Variants in RTN4 observed in about 807,000 individuals in gnomAD.
The protein encoded by RTN4 is reticulon 4, also known as reticulon-4.
In RTN4, 32 loss-of-function variants were observed where a neutral mutation model predicts 90.4. That is an observed-to-expected ratio of 0.35 (90% confidence interval 0.27 to 0.48). The LOEUF (loss-of-function observed/expected upper bound fraction) is 0.48, where lower values mean the gene tolerates loss of function less well. Ranked by LOEUF, RTN4 falls within the 20% of genes least tolerant of loss-of-function variation. The pLI is 0.99. For missense variants in RTN4, 1,706 were observed against 1,430.2 expected (o/e 1.19, Z -3.11); for synonymous variants, 629 against 552.5 (o/e 1.14, Z -1.94).
chr2:54,981,519 T>A (rs1177075658), intron 5 of RTN4, among the ~76,000 whole-genome samples: 1 of 152,034 alleles, frequency 6.6e-6, no homozygotes, highest in Non-Finnish European at 1.5e-5. Flanking sequence ...TTCTGCAGAG[T>A]CACAGGAAAG....
the RTN4 span, among the ~76,000 whole-genome samples, chr2:55,131,792 G>A: frequency 6.6e-6 from 1 of 152,144 alleles, no homozygotes; most frequent in East Asian, 1.9e-4. Context: ...GCTGAGGCAG[G>A]AGAATTGCTT....
At chr2:55,028,019 G>T in intron 2 of RTN4, 145 bp downstream of exon 2, 1 of 631,444 alleles carries the variant, frequency 1.6e-6, no homozygotes, top group Non-Finnish European at 2.6e-6. Context: ...CATATAAAAT[G>T]CACATTTCAA....
Position 55,049,995 on chromosome 2 carries a change from C to A in RTN4, c.306G>T (p.Pro102=). 1 of 1,374,744 alleles carries A rather than the reference C, an allele frequency of 7.3e-7. No individual in the cohort carries two copies. Among genetic ancestry groups the A allele is most frequent in the Admixed American group, 3.7e-5 (1 of 26,700 alleles). 85.2% of individuals were successfully genotyped at this position (1,374,744 alleles called of 1,614,324 possible). ...TCGGGTCCCAAGACGGCTGCCGCTC[C>A]GGGGCGACGGGGGGAGCGGCCGGCA... is the stretch of plus-strand genomic sequence containing the variant. ...GPLPAAPPVA[P]ERQPSWDPSP... The change falls in exon 1 of 9, where the codon CCG becomes CCT. Residue 102 remains proline, a synonymous_variant. Coordinates refer to ENST00000337526, the MANE Select transcript of RTN4 (RefSeq NM_020532.5).
At chr2:55,050,546 G>C (rs200505922), upstream of RTN4, 6 of 348,142 alleles carry the variant, frequency 1.7e-5, no homozygotes, top group Non-Finnish European at 3.1e-5. This position sits in a 1 kb window ranked among gnomAD's most constrained non-coding sequence, Gnocchi z 4.6. Flanking sequence ...GAGGCCAGCG[G>C]ACTCTCCGCC....
intron 1 of RTN4, among the ~76,000 whole-genome samples, chr2:55,028,707 C>G (rs991888298): frequency 7.9e-5 from 12 of 152,060 alleles, no homozygotes; most frequent in Non-Finnish European, 1.6e-4. Context: ...CTCTTACATT[C>G]TAAGTTGTTA....
At chr2:55,074,319 T>C (rs1253581217) in intron 2 of RTN4, among the ~76,000 whole-genome samples, 1 of 151,948 alleles carries the variant, frequency 6.6e-6, no homozygotes, top group Non-Finnish European at 1.5e-5. Flanking sequence ...CTCAGCAACA[T>C]AGCAAGACCC....
rs866630126 is a variant in RTN4 at position 55,025,809 on chromosome 2, C to T, written c.2290G>A (p.Val764Met). ...PDVPQKQDET[V>M]MLVKESLTET... Reference sequence around the variant, plus strand: ...GTGAGACTTTCTTTCACAAGCATCACAGTTTCATCTTGTTTTTGTGGAACG... The same window carrying T: ...GTGAGACTTTCTTTCACAAGCATCATAGTTTCATCTTGTTTTTGTGGAACG... The change falls in exon 3 of 9, where the codon GTG becomes ATG. Residue 764 changes from valine to methionine, a missense_variant. Transcript: ENST00000337526. 6.2e-7 allele frequency: 1 copy of T among 1,613,676 alleles called. No individual in the cohort carries two copies. The highest frequency in any genetic ancestry group is 8.5e-7 in the Non-Finnish European group (1 of 1,179,810).
chr2:55,061,464 C>G (rs2972077), intron 2 of RTN4, among the ~76,000 whole-genome samples: 46 of 152,282 alleles, frequency 3.0e-4, no homozygotes, highest in Non-Finnish European at 6.2e-4. Flanking sequence ...CAGTTGTCCA[C>G]GCAATGTCCT....
At chr2:55,069,197 C>T (rs1199677012) in intron 2 of RTN4, among the ~76,000 whole-genome samples, 1 of 152,174 alleles carries the variant, frequency 6.6e-6, no homozygotes, top group African/African-American at 2.4e-5. Context: ...CACATTTTAC[C>T]TAGCTCAGAA....
intron 1 of RTN4, among the ~76,000 whole-genome samples, chr2:55,098,187 G>A (rs868441199): frequency 2.8e-4 from 42 of 152,116 alleles, no homozygotes; most frequent in Admixed American, 6.6e-4. Flanking sequence ...AAGTATGTCC[G>A]GATTTCCAGT....
chr2:55,008,770 TTAATAGTTGCAGAATG>T (rs1432944426), intron 3 of RTN4, among the ~76,000 whole-genome samples: 1 of 152,176 alleles, frequency 6.6e-6, no homozygotes, highest in Non-Finnish European at 1.5e-5. Flanking sequence ...ATAAAGAACC[TTAATAGTTGCAGAATG>T]AGCCCTGATA....
At chr2:55,005,560 C>T (rs748668582) in intron 3 of RTN4, among the ~76,000 whole-genome samples, 4 of 152,104 alleles carry the variant, frequency 2.6e-5, no homozygotes, top group Non-Finnish European at 4.4e-5. Context: ...TTGTAAAAGG[C>T]GCCCAAAGCC....
intron 1 of RTN4, among the ~76,000 whole-genome samples, chr2:55,109,456 A>G (rs1437353855): frequency 1.3e-5 from 2 of 152,146 alleles, no homozygotes; most frequent in Non-Finnish European, 2.9e-5. Flanking sequence ...AGAAAAACCA[A>G]CAGGTACAGT....
At chr2:55,111,860 G>A (rs1573524757) in intron 1 of RTN4, among the ~76,000 whole-genome samples, 1 of 152,124 alleles carries the variant, frequency 6.6e-6, no homozygotes, top group African/African-American at 2.4e-5. Context: ...AATGCTGCCT[G>A]CCTCCTGCCT....
chr2:55,116,533 A>C (rs1173413169), upstream of RTN4, among the ~76,000 whole-genome samples: 1 of 152,236 alleles, frequency 6.6e-6, no homozygotes, highest in Non-Finnish European at 1.5e-5. Context: ...AGTAGCTGAT[A>C]CATTGGAAGC....
the RTN4 span, among the ~76,000 whole-genome samples, chr2:55,124,728 G>C: frequency 6.6e-6 from 1 of 152,108 alleles, no homozygotes; most frequent in South Asian, 2.1e-4. Flanking sequence ...AAATTTATAT[G>C]GAACAAAAAA....
chr2:55,063,372 G>A (rs976940128), intron 2 of RTN4, among the ~76,000 whole-genome samples: 1 of 152,188 alleles, frequency 6.6e-6, no homozygotes, highest in Admixed American at 6.5e-5. Context: ...AGAGGAGACT[G>A]CGTGTGGGAA....
rs752780326 is a variant in RTN4 at position 55,026,428 on chromosome 2, T to A, written c.1671A>T (p.Glu557Asp). The change falls in exon 3 of 9, where the codon GAA (glutamate) becomes GAT (aspartate). Residue 557 changes from glutamate (E) to aspartate (D), a missense_variant. By Grantham distance (45) the Glu-to-Asp change is conservative (BLOSUM62 2). Coordinates refer to ENST00000337526, the MANE Select transcript of RTN4 (RefSeq NM_020532.5). ...CTTCATTCAATTCACTTTCACATGC[T>A]TCCTGTACTAAATCTGGAGTCAGGC... ...PEGLTPDLVQ[E>D]ACESELNEVT... 11 of 1,613,816 alleles carry A rather than the reference T, an allele frequency of 6.8e-6. No individual in the cohort carries two copies. In the Admixed American group the frequency reaches 1.8e-4, roughly 27 times the overall value.
At chr2:54,974,327 T>C (rs1677421646) in intron 6 of RTN4, 2 of 248,482 alleles carry the variant, frequency 8.0e-6, no homozygotes, top group South Asian at 1.1e-4. Context: ...TTGCCCAACC[T>C]GGAGTGCAAT....
Sources: gnomAD v4.1 joint callset for allele counts (sites outside exome capture counted in the v4.1 genomes callset) on GRCh38, gnomAD v4.1.1 for gene constraint, Gnocchi (gnomAD v3.1) non-coding constraint, MANE v1.5 for transcripts, NCBI Gene and HGNC (gene_info 2026-07-23, HGNC 2026-07-21) for gene names.